Variants in FAM120A observed in about 807,000 individuals in gnomAD.
The protein encoded by FAM120A is family with sequence similarity 120 member A.
A neutral mutation model predicts 109.7 loss-of-function variants in FAM120A; 15 were observed. The observed-to-expected ratio is 0.14, with a 90% CI of 0.09 to 0.21. FAM120A has a LOEUF of 0.21. FAM120A is among the 10% of genes least tolerant of loss of function. The pLI is 1.00. For synonymous variants in FAM120A, 493 were observed against 572.8 expected, an observed-to-expected ratio of 0.86 and a Z score of 1.99; for missense variants, 899 against 1,439.3, an observed-to-expected ratio of 0.62 and a Z score of 6.07.
intron 12 of FAM120A, among the ~76,000 whole-genome samples, chr9:93,554,524 T>C (rs1587632980): frequency 6.6e-6 from 1 of 152,028 alleles, no homozygotes; most frequent in Non-Finnish European, 1.5e-5. Context: ...AGTACAAAAA[T>C]CAGCCAGGCA....
intron 12 of FAM120A, among the ~76,000 whole-genome samples, chr9:93,552,420 G>C (rs762581856): frequency 6.6e-6 from 1 of 152,122 alleles, no homozygotes; most frequent in African/African-American, 2.4e-5. Context: ...CTGACTCATC[G>C]ATCCTCTGGG....
intron 5 of FAM120A, among the ~76,000 whole-genome samples, chr9:93,514,370 T>G (rs1860471984): frequency 6.6e-6 from 1 of 152,182 alleles, no homozygotes; most frequent in African/African-American, 2.4e-5. Context: ...CAACTGGTGT[T>G]CAGATGAAGA....
intron 5 of FAM120A, among the ~76,000 whole-genome samples, chr9:93,514,277 A>G (rs1244143596): frequency 1.3e-5 from 2 of 152,156 alleles, no homozygotes; most frequent in African/African-American, 4.8e-5. Context: ...ACCTCCACCT[A>G]GTCTCTCTGC....
intron 3 of FAM120A, among the ~76,000 whole-genome samples, chr9:93,494,602 C>T (rs1464984758): frequency 6.6e-6 from 1 of 152,204 alleles, no homozygotes; most frequent in African/African-American, 2.4e-5. Context: ...GGTCGGGCAG[C>T]TCTGCAGGTT....
Position 93,522,700 on chromosome 9 carries a change from T to G in FAM120A, c.1419-4455T>G, listed in dbSNP as rs540638228. On this transcript the variant is annotated intron_variant, in intron 7 of 17. Coordinates refer to ENST00000277165, the MANE Select transcript of FAM120A (RefSeq NM_014612.5). ...TGGGTTTCATTTTCTTGAGAACTTA[T>G]GTATGTATCTTAGGAGAGAAAGCCC... is the stretch of plus-strand genomic sequence containing the variant. Among the ~76,000 whole-genome samples the G allele has an allele frequency of 3.9e-5, 6 of 152,256 alleles. 1 individual carries two copies. Among genetic ancestry groups the G allele is most frequent in the African/African-American group, 1.4e-4 (6 of 41,472 alleles).
chr9:93,533,800 C>T (rs1309835530), intron 10 of FAM120A, among the ~76,000 whole-genome samples: 1 of 152,186 alleles, frequency 6.6e-6, no homozygotes, highest in East Asian at 1.9e-4. Flanking sequence ...GGTGTTGCAG[C>T]TCCTTTGTCC....
At chr9:93,561,053 C>CT (rs1862447275) in intron 15 of FAM120A, 56 bp from the exon 16 acceptor site, 9 of 1,570,350 alleles carry the variant, frequency 5.7e-6, no homozygotes, top group Non-Finnish European at 7.8e-6. Context: ...TATCTTTTTG[C>CT]TATTCTTAAT....
chr9:93,498,794 G>T lies in FAM120A; in HGVS notation c.938G>T (p.Arg313Ile). The change falls in exon 5 of 18, where the codon AGA becomes ATA. Residue 313 changes from arginine to isoleucine, a missense_variant. Physicochemically the swap from Arg to Ile is moderately conservative, Grantham distance 97. Around this residue, in one of 11 missense-constraint regions of FAM120A, gnomAD observed 258 missense variants for 451.4 expected, o/e 0.57. Transcript: ENST00000277165. This position sits in a 1 kb window ranked among gnomAD's most constrained non-coding sequence, Gnocchi z 4.4. ...AKDVFQHSQS[R>I]TDDKVIRFKR... ...GTTTTCCTGCCTTTATTTCAGTCTA[G>T]AACAGATGACAAAGTTATTCGATTT... 1 of 1,603,186 alleles carries T rather than the reference G, an allele frequency of 6.2e-7. No homozygotes were observed. Among genetic ancestry groups the T allele is most frequent in the South Asian group, 1.1e-5 (1 of 90,828 alleles).
chr9:93,498,031 G>A lies in FAM120A; in HGVS notation c.933+432G>A, dbSNP rs1388079577. 6.6e-6 allele frequency among the ~76,000 whole-genome samples: 1 copy of A among 152,190 alleles called. No individual in the cohort carries two copies. Among genetic ancestry groups the A allele is most frequent in the Non-Finnish European group, 1.5e-5 (1 of 68,038 alleles). On this transcript the variant is annotated intron_variant, in intron 4 of 17. Transcript: ENST00000277165. This position sits in a 1 kb window ranked among gnomAD's most constrained non-coding sequence, Gnocchi z 4.4. ...AGGGATTTTCTTCTTTTTTGGGGAAGTAGGTGTGCCAACAAGTTGGCATCA... is the reference window on the plus strand; with the variant it reads ...AGGGATTTTCTTCTTTTTTGGGGAAATAGGTGTGCCAACAAGTTGGCATCA...
chr9:93,564,569 C>T lies in FAM120A; in HGVS notation c.*29C>T. 2 of 1,551,004 alleles carry T rather than the reference C, an allele frequency of 1.3e-6. No individual in the cohort carries two copies. The highest frequency in any genetic ancestry group is 2.3e-5 in the South Asian group (2 of 86,096). Reference sequence around the variant, plus strand: ...TATTTTTTATAGAGGGTGAAGGATGCTGGAAGGGTAAGGATTTAGGAATAT... The same window carrying T: ...TATTTTTTATAGAGGGTGAAGGATGTTGGAAGGGTAAGGATTTAGGAATAT... On this transcript the variant is annotated 3_prime_UTR_variant, in exon 18 of 18. Coordinates refer to ENST00000277165, the MANE Select transcript of FAM120A (RefSeq NM_014612.5).
At chr9:93,494,337 C>T (rs976278210) in intron 3 of FAM120A, among the ~76,000 whole-genome samples, 19 of 152,210 alleles carry the variant, frequency 1.2e-4, no homozygotes, top group Admixed American at 8.5e-4. Context: ...CCACATTCTT[C>T]GGAGGAACTT....
At chr9:93,516,455 T>C (rs1305463826) in intron 7 of FAM120A, among the ~76,000 whole-genome samples, 186 bp downstream of exon 7, 1 of 152,228 alleles carries the variant, frequency 6.6e-6, no homozygotes, top group Admixed American at 6.5e-5. Flanking sequence ...AGGTATGTTC[T>C]TGAAGTTTCC....
intron 1 of FAM120A, among the ~76,000 whole-genome samples, chr9:93,469,648 G>A (rs1858220783): frequency 6.6e-6 from 1 of 151,954 alleles, no homozygotes; most frequent in Non-Finnish European, 1.5e-5. Flanking sequence ...TATTTTAGCT[G>A]GTATACAGTG....
chr9:93,508,562 GC>G (rs1336629930), intron 5 of FAM120A, among the ~76,000 whole-genome samples: 1 of 152,212 alleles, frequency 6.6e-6, no homozygotes, highest in East Asian at 1.9e-4. Flanking sequence ...CAGGCAGCCT[GC>G]CCAGGAGAGG....
intron 3 of FAM120A, among the ~76,000 whole-genome samples, chr9:93,482,103 C>T (rs1036575127): frequency 2.1e-4 from 32 of 151,858 alleles, no homozygotes; most frequent in Middle Eastern, 3.2e-3. Flanking sequence ...AATCTTTTAC[C>T]AGCATTATCT....
At chr9:93,477,214 G>A (rs1858587084) in intron 3 of FAM120A, among the ~76,000 whole-genome samples, 1 of 152,094 alleles carries the variant, frequency 6.6e-6, no homozygotes, top group Admixed American at 6.5e-5. Context: ...TTTAATTGGT[G>A]GCTAGTTTCA....
rs144948606 is a variant in FAM120A at position 93,462,311 on chromosome 9, C to T, written c.475-8830C>T. Among the ~76,000 whole-genome samples, 380 of 152,266 alleles carry T rather than the reference C, an allele frequency of 2.5e-3. 2 individuals carry two copies. The highest frequency in any genetic ancestry group is 8.8e-3 in the African/African-American group (366 of 41,530). ...TATATATTTTTTTGAGATGGAGTCTCGCTCTGTCACCAAGGCTGTAGCGCA... is the reference window on the plus strand; with the variant it reads ...TATATATTTTTTTGAGATGGAGTCTTGCTCTGTCACCAAGGCTGTAGCGCA... On this transcript the variant is annotated intron_variant, in intron 1 of 17. Coordinates refer to ENST00000277165, the MANE Select transcript of FAM120A (RefSeq NM_014612.5).
In FAM120A at chr9:93,532,211, G is replaced by T; in HGVS notation, c.1791G>T (p.Pro597=). 1.2e-6 allele frequency: 2 copies of T among 1,614,188 alleles called. No individual in the cohort carries two copies. The highest frequency in any genetic ancestry group is 1.7e-6 in the Non-Finnish European group (2 of 1,180,024). The stretch of plus-strand genomic sequence containing the variant: ...ATGAAGCCAACAAGGACCTGCCTCC[G>T]GCCGCTCTGCTCTATAGGCCAGTTC... ...IEDEANKDLP[P]AALLYRPVRQ... The change falls in exon 10 of 18, where the codon CCG becomes CCT. Residue 597 remains proline, a synonymous_variant. Coordinates refer to ENST00000277165, the MANE Select transcript of FAM120A (RefSeq NM_014612.5). The surrounding 1 kb of genome is among the most constrained non-coding windows in gnomAD (Gnocchi z 4.3).
intron 8 of FAM120A, 86 bp downstream of exon 8, chr9:93,527,328 T>C: frequency 1.0e-6 from 1 of 969,074 alleles, no homozygotes; most frequent in Non-Finnish European, 1.6e-6. Flanking sequence ...TGAAAAATAA[T>C]ATCTCTCTCT....
Sources: allele counts gnomAD v4.1 joint callset (sites outside exome capture counted in the v4.1 genomes callset), GRCh38; gene constraint gnomAD v4.1.1; regional missense constraint gnomAD v4.1.1; non-coding constraint Gnocchi (gnomAD v3.1); transcripts MANE v1.5; gene names NCBI Gene and HGNC (gene_info 2026-07-23, HGNC 2026-07-21).